The following DEPDC5 variants were observed in gnomAD, a reference collection of about 807,000 sequenced individuals.
The protein encoded by DEPDC5 is GATOR1 complex protein DEPDC5.
A neutral mutation model predicts 217.3 loss-of-function variants in DEPDC5; 73 were observed. That is an observed-to-expected ratio of 0.34 (90% CI 0.28 to 0.41). The LOEUF is 0.41. Ranked by LOEUF, DEPDC5 falls within the 10% of genes least tolerant of loss-of-function variation. The pLI is 1.00. For synonymous variants in DEPDC5, 733 were observed against 756.7 expected (o/e 0.97, Z 0.51); for missense variants, 1,675 against 2,070.1 (o/e 0.81, Z 3.70).
intron 31 of DEPDC5, among the ~76,000 whole-genome samples, chr22:31,847,985 G>A (rs2091837563): frequency 3.3e-5 from 5 of 152,224 alleles, no homozygotes. Flanking sequence ...CCAAATGGGA[G>A]AAATTGGCCA....
At chr22:31,769,926 A>G (rs1403819731) in intron 7 of DEPDC5, among the ~76,000 whole-genome samples, 1 of 151,236 alleles carries the variant, frequency 6.6e-6, no homozygotes, top group Non-Finnish European at 1.5e-5. Flanking sequence ...CTGCCTCAAA[A>G]AAAAAATTCA....
chr22:31,870,342 A>T (rs1405051516), intron 33 of DEPDC5, among the ~76,000 whole-genome samples: 2 of 151,964 alleles, frequency 1.3e-5, no homozygotes, highest in Non-Finnish European at 2.9e-5. Context: ...CCCTGGTTGG[A>T]GGGTGGGAGT....
intron 7 of DEPDC5, 118 bp from the exon 8 acceptor site, chr22:31,777,981 C>T (rs931464409): frequency 5.5e-6 from 6 of 1,087,952 alleles, no homozygotes; most frequent in Non-Finnish European, 8.4e-6. Flanking sequence ...GTCCTGACCT[C>T]AGGTAATTCG....
chr22:31,838,075 A>G (rs1288929077), intron 26 of DEPDC5, among the ~76,000 whole-genome samples: 1 of 151,994 alleles, frequency 6.6e-6, no homozygotes, highest in Non-Finnish European at 1.5e-5. Flanking sequence ...CTCCTCGTTG[A>G]TTGATTTATT....
At chr22:31,762,834 G>A (rs1054573393) in intron 4 of DEPDC5, among the ~76,000 whole-genome samples, 5 of 151,802 alleles carry the variant, frequency 3.3e-5, no homozygotes, top group Admixed American at 1.3e-4. Context: ...AAGAGATGGC[G>A]TCTCACTCTG....
At chr22:31,865,373 G>A (rs961217078) in intron 33 of DEPDC5, among the ~76,000 whole-genome samples, 1 of 151,966 alleles carries the variant, frequency 6.6e-6, no homozygotes, top group South Asian at 2.1e-4. Context: ...GCATGCCTGC[G>A]GTCTCAGTTA....
At position 31,870,651 on chromosome 22, in the gene DEPDC5, G is replaced by T; in HGVS notation, c.3392G>T (p.Gly1131Val). Residue 1131 changes from glycine (G) to valine (V), a missense_variant, in exon 34 of 43, where the codon GGC becomes GTC. Gly to Val is a moderately radical substitution (Grantham distance 109, BLOSUM62 -3). Transcript: ENST00000651528. ...GGCACCAGTTTGGGCATATGCACAG[G>T]CCAATCCATGGACAGAGGCAACAGC... is the stretch of plus-strand genomic sequence containing the variant. Reference protein sequence around the residue: ...LDGTSLGICTGQSMDRGNSQT... With the variant: ...LDGTSLGICTVQSMDRGNSQT... The T allele has an allele frequency of 1.9e-6, 3 of 1,606,284 alleles. No homozygotes were observed. The highest frequency in any genetic ancestry group is 2.5e-6 in the Non-Finnish European group (3 of 1,176,778).
chr22:31,825,092 G>T (rs1296190883), intron 24 of DEPDC5, among the ~76,000 whole-genome samples: 1 of 152,104 alleles, frequency 6.6e-6, no homozygotes, highest in Non-Finnish European at 1.5e-5. Flanking sequence ...GTTTGGGGTA[G>T]AGTTGCGCCG....
intron 27 of DEPDC5, among the ~76,000 whole-genome samples, chr22:31,841,342 A>T (rs949882198): frequency 6.6e-6 from 1 of 152,228 alleles, no homozygotes; most frequent in Non-Finnish European, 1.5e-5. Context: ...GCTGCCTGTC[A>T]CTGTGTGACT....
intron 8 of DEPDC5, among the ~76,000 whole-genome samples, chr22:31,780,698 T>TGGA (rs2084340798): frequency 6.6e-6 from 1 of 152,192 alleles, no homozygotes; most frequent in African/African-American, 2.4e-5. Flanking sequence ...TCCACCAGGC[T>TGGA]GGAAGTACCT....
At chr22:31,846,699 CT>C (rs1223496188) in intron 30 of DEPDC5, 134 bp from the exon 31 acceptor site, 1 of 1,275,204 alleles carries the variant, frequency 7.8e-7, no homozygotes, top group Non-Finnish European at 1.1e-6. Context: ...TTACTGAACA[CT>C]GAGAACCTGT....
At chr22:31,789,889 A>G (rs1217107394) in intron 10 of DEPDC5, among the ~76,000 whole-genome samples, 1 of 151,952 alleles carries the variant, frequency 6.6e-6, no homozygotes, top group Non-Finnish European at 1.5e-5. Flanking sequence ...CTACAGGCGC[A>G]GGCCACCATG....
Position 31,802,738 on chromosome 22 carries a change from C to A in DEPDC5, c.981C>A (p.Asp327Glu). 1 of 1,594,044 alleles carries A rather than the reference C, an allele frequency of 6.3e-7. No individual in the cohort carries two copies. Among genetic ancestry groups the A allele is most frequent in the Non-Finnish European group, 8.5e-7 (1 of 1,170,710 alleles). The change falls in exon 15 of 43, where the codon GAC (aspartate) becomes GAA (glutamate). Residue 327 changes from aspartate (D) to glutamate (E), a missense_variant. Transcript: ENST00000651528. ...AGCACTACATCAACCGCAACTTTGA[C>A]CGAACTGGGCAGATGTCAGTGGTGA... Reference protein sequence around the residue: ...FDKHYINRNFDRTGQMSVVIT... With the variant: ...FDKHYINRNFERTGQMSVVIT...
chr22:31,889,224 G>C (rs1034176599), intron 38 of DEPDC5, among the ~76,000 whole-genome samples: 1 of 152,192 alleles, frequency 6.6e-6, no homozygotes, highest in Admixed American at 6.5e-5. Flanking sequence ...TGGAACTCAC[G>C]TAATGATTCT....
At chr22:31,877,897 AT>A (rs2093049770) in intron 37 of DEPDC5, among the ~76,000 whole-genome samples, 1 of 152,028 alleles carries the variant, frequency 6.6e-6, no homozygotes, top group African/African-American at 2.4e-5. Flanking sequence ...GGTTTAAAGA[AT>A]CAAACATGGC....
intron 7 of DEPDC5, among the ~76,000 whole-genome samples, chr22:31,773,115 A>G (rs778879146): frequency 5.3e-5 from 8 of 152,014 alleles, no homozygotes; most frequent in Admixed American, 1.3e-4. Context: ...TTGTTTCTCT[A>G]TGTAAATACC....
rs141713682 is a variant in DEPDC5 at position 31,763,584 on chromosome 22, C to T, written c.194-1391C>T. Reference sequence around the variant, plus strand: ...CTCCGCCTCCCGAGTAGCTAAGACCCCAGACGCCCAGCCCACAGGATCATG... The same window carrying T: ...CTCCGCCTCCCGAGTAGCTAAGACCTCAGACGCCCAGCCCACAGGATCATG... On this transcript the variant is annotated intron_variant, in intron 4 of 42. Transcript: ENST00000651528. Among the ~76,000 whole-genome samples the T allele has an allele frequency of 4.4e-3, 669 of 151,998 alleles. 4 individuals are homozygous for T. Among genetic ancestry groups the T allele is most frequent in the African/African-American group, 0.015 (642 of 41,488 alleles).
At chr22:31,826,888 TTATA>T (rs980934534) in intron 24 of DEPDC5, among the ~76,000 whole-genome samples, 4 of 151,542 alleles carry the variant, frequency 2.6e-5, no homozygotes, top group Non-Finnish European at 5.9e-5. Flanking sequence ...AAGTATTTAA[TTATA>T]CATAGTTTTT....
chr22:31,870,850 G>A (rs2092820958), intron 34 of DEPDC5, 106 bp downstream of exon 34: 2 of 1,307,746 alleles, frequency 1.5e-6, no homozygotes, highest in African/African-American at 1.5e-5. Flanking sequence ...TTCTGACTCT[G>A]CCACAAGTCA....
Sources: allele counts gnomAD v4.1 joint callset (sites outside exome capture counted in the v4.1 genomes callset), GRCh38; gene constraint gnomAD v4.1.1; transcripts MANE v1.5; gene names NCBI Gene and HGNC (gene_info 2026-07-23, HGNC 2026-07-21).